Variants in ABR observed in about 807,000 individuals in gnomAD.
ABR encodes the protein active breakpoint cluster region-related protein.
ABR carries 35 observed loss-of-function variants against 107.2 expected under a neutral mutation model. That is an observed-to-expected ratio of 0.33 (90% CI 0.25 to 0.43). ABR has a LOEUF of 0.43. ABR is among the 20% of genes least tolerant of loss of function. The pLI, the probability that ABR is intolerant of heterozygous loss-of-function variation, is 1.00. For missense variants in ABR, 815 were observed against 1,115.2 expected (o/e 0.73, Z 3.83); for synonymous variants, 498 against 462.0 (o/e 1.08, Z -1.00).
intron 1 of ABR, among the ~76,000 whole-genome samples, chr17:1,130,931 G>T (rs946851843): frequency 6.6e-6 from 1 of 152,188 alleles, no homozygotes; most frequent in African/African-American, 2.4e-5. Flanking sequence ...TCAGACTTCT[G>T]GTCTTCAGAC....
intron 5 of ABR, among the ~76,000 whole-genome samples, chr17:1,080,985 G>T (rs1247553997): frequency 6.6e-6 from 1 of 152,182 alleles, no homozygotes; most frequent in African/African-American, 2.4e-5. Flanking sequence ...CTGGCAGAAA[G>T]CCAGGGGCCT....
chr17:1,156,609 G>A (rs753973053), intron 1 of ABR, among the ~76,000 whole-genome samples: 1 of 152,090 alleles, frequency 6.6e-6, no homozygotes, highest in Admixed American at 6.5e-5. Context: ...ACCTGAACCC[G>A]GGAGGCGGAG....
chr17:1,213,581 C>T (rs1233577961), intron 1 of ABR, among the ~76,000 whole-genome samples: 14 of 151,752 alleles, frequency 9.2e-5, no homozygotes, highest in Admixed American at 2.0e-4. Context: ...TAAGTAGAGG[C>T]GGGGTTTCAC....
intron 22 of ABR, 145 bp from the exon 23 acceptor site, chr17:1,006,314 G>A: frequency 1.3e-6 from 1 of 760,900 alleles, no homozygotes; most frequent in Non-Finnish European, 2.2e-6. Context: ...TTGCCTTTCT[G>A]CAGCCGTGGA....
At chr17:1,015,979 C>T (rs1242531018) in intron 16 of ABR, among the ~76,000 whole-genome samples, 4 of 152,120 alleles carry the variant, frequency 2.6e-5, no homozygotes, top group Admixed American at 2.6e-4. Context: ...CACTTGAGCC[C>T]AGGAGTTCGA....
At chr17:1,019,207 T>C (rs1454476645) in intron 16 of ABR, among the ~76,000 whole-genome samples, 1 of 152,190 alleles carries the variant, frequency 6.6e-6, no homozygotes, top group Non-Finnish European at 1.5e-5. Flanking sequence ...CTGCACCTCC[T>C]GATGCTAAGG....
chr17:1,224,705 C>CCA (rs1350570012), intron 1 of ABR, among the ~76,000 whole-genome samples: 12 of 152,234 alleles, frequency 7.9e-5, no homozygotes, highest in African/African-American at 2.9e-4. Flanking sequence ...GACAGGGACT[C>CCA]GCTCTGTCAC....
upstream of ABR, chr17:1,181,923 T>C (rs894355706): frequency 1.3e-5 from 2 of 152,270 alleles, no homozygotes; most frequent in Non-Finnish European, 2.9e-5. Context: ...GGATGTATGC[T>C]TCTGCGTGAG....
intron 10 of ABR, among the ~76,000 whole-genome samples, chr17:1,066,329 T>C (rs912890990): frequency 6.6e-6 from 1 of 152,208 alleles, no homozygotes; most frequent in African/African-American, 2.4e-5. Context: ...GACAAGAATC[T>C]CAGTTTTCTG....
intron 1 of ABR, among the ~76,000 whole-genome samples, chr17:1,175,183 G>T (rs946788159): frequency 6.6e-6 from 1 of 152,158 alleles, no homozygotes; most frequent in African/African-American, 2.4e-5. Context: ...AAGCCGAGGC[G>T]GGTGGATCAC....
chr17:1,056,606 C>T (rs1337066204), intron 13 of ABR, among the ~76,000 whole-genome samples: 4 of 152,270 alleles, frequency 2.6e-5, no homozygotes, highest in East Asian at 3.9e-4. Context: ...CCCAGACTCC[C>T]GGGCTTACAG....
At chr17:1,074,176 G>A (rs1170809175) in intron 6 of ABR, among the ~76,000 whole-genome samples, 3 of 146,872 alleles carry the variant, frequency 2.0e-5, no homozygotes, top group African/African-American at 5.2e-5. Flanking sequence ...ACCCAGCCAC[G>A]CCCCGCAGAG....
Position 1,050,694 on chromosome 17 carries a change from G to A in ABR, c.1562-60C>T, listed in dbSNP as rs1157319335. On this transcript the variant is annotated intron_variant, in intron 14 of 22. Transcript: ENST00000302538. This position sits in a 1 kb window ranked among gnomAD's most constrained non-coding sequence, Gnocchi z 4.6. ...GTGGGGCCAGGGTGGGGCAGCTGGGGCGGCACTCAGGATGGAGGGGGACAT... is the reference window on the plus strand; with the variant it reads ...GTGGGGCCAGGGTGGGGCAGCTGGGACGGCACTCAGGATGGAGGGGGACAT... The A allele has an allele frequency of 7.1e-6, 10 of 1,407,008 alleles. No individual in the cohort carries two copies. In the South Asian group the frequency reaches 8.1e-5, roughly 11 times the overall value. The allele number at this position is 1,407,008 out of a possible 1,614,324, so 87.2% of individuals were successfully genotyped here. A position where few individuals can be genotyped will look rare whatever the true frequency, so the allele number is the denominator to read the frequency against.
chr17:1,070,052 C>A lies in ABR; in HGVS notation c.933G>T (p.Val311=). Residue 311 remains valine, a synonymous_variant, in exon 9 of 23, where the codon GTG becomes GTT. Coordinates refer to ENST00000302538, the MANE Select transcript of ABR (RefSeq NM_021962.5). This position sits in a 1 kb window ranked among gnomAD's most constrained non-coding sequence, Gnocchi z 4.2. Reference sequence around the variant, plus strand: ...GCCGCAGCTTCCGGGAGCTCTCTGACACTTCCACCAGGAAGCCGTCCTTCA... The same window carrying A: ...GCCGCAGCTTCCGGGAGCTCTCTGAAACTTCCACCAGGAAGCCGTCCTTCA... ...QLVKDGFLVE[V]SESSRKLRHV... The A allele has an allele frequency of 3.7e-6, 6 of 1,613,770 alleles. No homozygotes were observed. The African/African-American group carries it at 6.7e-5, about 18-fold the overall frequency.
chr17:1,216,515 T>A (rs897200554), intron 1 of ABR, among the ~76,000 whole-genome samples: 1 of 152,234 alleles, frequency 6.6e-6, no homozygotes, highest in African/African-American at 2.4e-5. Context: ...CCGTCGGCTC[T>A]AACTAATGCC....
chr17:1,012,386 G>A (rs751271138), intron 18 of ABR: 110 of 662,622 alleles, frequency 1.7e-4, no homozygotes, highest in South Asian at 1.1e-3. Context: ...GCCAGTCCCC[G>A]TTGGTGCCGA....
intron 1 of ABR, among the ~76,000 whole-genome samples, chr17:1,151,071 G>A (rs1738366657): frequency 6.6e-6 from 1 of 152,198 alleles, no homozygotes; most frequent in African/African-American, 2.4e-5. Flanking sequence ...CTTACCAGCT[G>A]TGTGACCTTG....
intron 9 of ABR, among the ~76,000 whole-genome samples, chr17:1,069,144 A>G (rs2035005600): frequency 6.6e-6 from 1 of 152,206 alleles, no homozygotes; most frequent in Non-Finnish European, 1.5e-5. Context: ...AAACAGAAAC[A>G]GCAGAGCCCC....
At position 1,065,363 on chromosome 17, in the gene ABR, G is replaced by A. The variant is rs372898103; in HGVS notation, c.1182+1714C>T. Among the ~76,000 whole-genome samples, 3 of 56,774 alleles carry A rather than the reference G, an allele frequency of 5.3e-5. No individual in the cohort carries two copies. The East Asian group carries it at 2.3e-3, about 44-fold the overall frequency. 37.2% of individuals were successfully genotyped at this position (56,774 alleles called of 152,430 possible). Reference sequence around the variant, plus strand: ...ATGTTCCTCTAGATGCTGCTGTTACGTGAACTGAGGGCTATGCATGTTCCT... The same window carrying A: ...ATGTTCCTCTAGATGCTGCTGTTACATGAACTGAGGGCTATGCATGTTCCT... On this transcript the variant is annotated intron_variant, in intron 10 of 22. Coordinates refer to ENST00000302538, the MANE Select transcript of ABR (RefSeq NM_021962.5).
Sources: gnomAD v4.1 joint callset for allele counts (sites outside exome capture counted in the v4.1 genomes callset) on GRCh38, gnomAD v4.1.1 for gene constraint, Gnocchi (gnomAD v3.1) non-coding constraint, MANE v1.5 for transcripts, NCBI Gene and HGNC (gene_info 2026-07-23, HGNC 2026-07-21) for gene names.